The following CEP112 variants were observed in gnomAD, a reference collection of about 807,000 sequenced individuals.
CEP112 encodes the protein centrosomal protein of 112 kDa.
Under a neutral mutation model 153.0 loss-of-function variants are expected in CEP112, and 127 were observed. The observed-to-expected ratio is 0.83, with a 90% CI of 0.72 to 0.96. CEP112 has a LOEUF of 0.96. CEP112 is among the 40% of genes least tolerant of loss of function. CEP112 has a pLI of 0.00. For missense variants in CEP112, 1,089 were observed against 1,101.2 expected (o/e 0.99, Z 0.16); for synonymous variants, 358 against 374.4 (o/e 0.96, Z 0.51).
At chr17:66,079,946 GGCTA>G (rs910382030) in intron 8 of CEP112, among the ~76,000 whole-genome samples, 1 of 152,082 alleles carries the variant, frequency 6.6e-6, no homozygotes, top group Non-Finnish European at 1.5e-5. Flanking sequence ...TGGGAAAACT[GGCTA>G]GCCATAGGTA....
chr17:65,919,735 G>A (rs990028608), intron 19 of CEP112, among the ~76,000 whole-genome samples: 2 of 152,006 alleles, frequency 1.3e-5, no homozygotes, highest in Admixed American at 6.6e-5. Context: ...AAAACACACC[G>A]CAACCCACTC....
intron 19 of CEP112, chr17:65,903,028 A>T (rs923843735): frequency 6.8e-3 from 5 of 736 alleles, no homozygotes; most frequent in Admixed American, 0.029. Context: ...GCAGCCCGAG[A>T]CCAAGGCCTG....
intron 23 of CEP112, among the ~76,000 whole-genome samples, chr17:65,741,002 T>C (rs977060391): frequency 6.6e-6 from 1 of 152,176 alleles, no homozygotes; most frequent in East Asian, 1.9e-4. Context: ...TATGGTATAA[T>C]AGTTAATAGT....
intron 17 of CEP112, among the ~76,000 whole-genome samples, chr17:65,964,340 C>T (rs566322412): frequency 4.1e-4 from 63 of 152,234 alleles, no homozygotes; most frequent in Non-Finnish European, 6.3e-4. Flanking sequence ...ATTTTGGGGG[C>T]ACCACTATAT....
intron 20 of CEP112, among the ~76,000 whole-genome samples, chr17:65,900,780 A>G (rs572803553): frequency 2.6e-5 from 4 of 152,314 alleles, no homozygotes; most frequent in South Asian, 4.1e-4. Context: ...AAACACCAGC[A>G]TATATTTCAT....
intron 12 of CEP112, among the ~76,000 whole-genome samples, chr17:66,048,516 G>A (rs1011733037): frequency 7.2e-5 from 11 of 152,156 alleles, no homozygotes; most frequent in Admixed American, 2.6e-4. Context: ...AATGTTAAAG[G>A]CAAAACTTTA....
chr17:66,132,826 T>C (rs1358735741), intron 4 of CEP112, 63 bp from the exon 5 acceptor site: 7 of 1,043,822 alleles, frequency 6.7e-6, no homozygotes, highest in Non-Finnish European at 1.1e-5. Flanking sequence ...AGTATTAGAA[T>C]CTAGGATTAC....
At chr17:65,988,546 A>AT (rs36058067) in intron 17 of CEP112, among the ~76,000 whole-genome samples, 88,884 of 151,978 alleles carry the variant, frequency 0.58, 27,377 homozygotes, top group African/African-American at 0.72. Context: ...CAATTCATAA[A>AT]TTATCAGAGA....
At chr17:65,733,085 T>C (rs895285734) in intron 23 of CEP112, among the ~76,000 whole-genome samples, 1 of 152,234 alleles carries the variant, frequency 6.6e-6, no homozygotes, top group Non-Finnish European at 1.5e-5. Flanking sequence ...GGTTTAAAGT[T>C]AGAGATGTGT....
chr17:65,976,462 C>T (rs1218672275), intron 17 of CEP112, among the ~76,000 whole-genome samples: 1 of 151,914 alleles, frequency 6.6e-6, no homozygotes, highest in Admixed American at 6.6e-5. Context: ...CAGAAAAAAC[C>T]TGAAATGTAT....
intron 23 of CEP112, among the ~76,000 whole-genome samples, chr17:65,701,883 CTTCT>C (rs1009141575): frequency 4.0e-5 from 6 of 148,716 alleles, no homozygotes; most frequent in African/African-American, 1.5e-4. Flanking sequence ...ATTCCTTCAA[CTTCT>C]TTTTTTTTTT....
Position 66,183,386 on chromosome 17 carries a change from A to T in CEP112, c.-8-79T>A. 3.0e-6 allele frequency: 3 copies of T among 991,396 alleles called. No individual in the cohort carries two copies. In the East Asian group the frequency reaches 7.8e-5, roughly 26 times the overall value. The allele number at this position is 991,396 out of a possible 1,614,324, so 61.4% of individuals were successfully genotyped here. A position where few individuals can be genotyped will look rare whatever the true frequency, so the allele number is the denominator to read the frequency against. On this transcript the variant is annotated intron_variant, in intron 1 of 26. Transcript: ENST00000535342. ...AACTCTGATGAGAAAGATAAAAAAAACTCTTAAGTGTTAGATATCAGTTCT... is the reference window on the plus strand; with the variant it reads ...AACTCTGATGAGAAAGATAAAAAAATCTCTTAAGTGTTAGATATCAGTTCT...
chr17:66,107,100 C>A (rs2068815429), intron 6 of CEP112, among the ~76,000 whole-genome samples: 2 of 152,090 alleles, frequency 1.3e-5, no homozygotes, highest in Admixed American at 1.3e-4. Flanking sequence ...AGCGTCCCTT[C>A]ATGATAAAAA....
At chr17:66,185,457 G>A (rs906407040) in intron 1 of CEP112, among the ~76,000 whole-genome samples, 47 of 152,218 alleles carry the variant, frequency 3.1e-4, no homozygotes, top group Non-Finnish European at 5.4e-4. Flanking sequence ...TCCTGACCTC[G>A]TGATCCATCC....
intron 21 of CEP112, among the ~76,000 whole-genome samples, chr17:65,839,967 A>G (rs2057457562): frequency 6.6e-6 from 1 of 152,094 alleles, no homozygotes; most frequent in South Asian, 2.1e-4. Context: ...AAAAGTAGTA[A>G]AAGTTTCTAC....
At chr17:66,009,219 G>A (rs1246774478) in intron 16 of CEP112, among the ~76,000 whole-genome samples, 3 of 151,502 alleles carry the variant, frequency 2.0e-5, no homozygotes, top group Admixed American at 6.6e-5. Flanking sequence ...GTGTGTGTGT[G>A]TGTGTGTGTG....
chr17:66,031,727 G>A (rs1052277122), intron 12 of CEP112, among the ~76,000 whole-genome samples: 16 of 152,118 alleles, frequency 1.1e-4, no homozygotes, highest in African/African-American at 3.6e-4. Flanking sequence ...CTCCCAAAGT[G>A]CTAGGATTAC....
At chr17:66,092,356 A>AGCACACACAC (rs1555794869) in intron 8 of CEP112, among the ~76,000 whole-genome samples, 13 of 135,064 alleles carry the variant, frequency 9.6e-5, no homozygotes, top group Non-Finnish European at 3.1e-5. Context: ...CATTAATTTA[A>AGCACACACAC]ACACACACAC....
intron 24 of CEP112, among the ~76,000 whole-genome samples, chr17:65,683,503 G>A (rs1027610815): frequency 2.0e-5 from 3 of 152,180 alleles, no homozygotes; most frequent in East Asian, 1.9e-4. Context: ...TTCAAGAGAA[G>A]GCTGGCAGAA....
Sources: allele counts gnomAD v4.1 joint callset (sites outside exome capture counted in the v4.1 genomes callset), GRCh38; gene constraint gnomAD v4.1.1; transcripts MANE v1.5; gene names NCBI Gene and HGNC (gene_info 2026-07-23, HGNC 2026-07-21).